DENND6A: variants seen among roughly 807,000 people sequenced by gnomAD.
DENND6A encodes the protein DENN domain containing 6A, also known as protein DENND6A.
DENND6A carries 43 observed loss-of-function variants against 95.5 expected under a neutral mutation model. The ratio of observed to expected loss-of-function variants is 0.45; its 90% CI spans 0.35 to 0.58. DENND6A has a LOEUF of 0.58. Ranked by LOEUF, DENND6A falls within the 20% of genes least tolerant of loss-of-function variation. The pLI, the probability that DENND6A is intolerant of heterozygous loss-of-function variation, is 0.00. For missense variants in DENND6A, 574 were observed against 736.0 expected, an observed-to-expected ratio of 0.78 and a Z score of 2.55; for synonymous variants, 257 against 260.4, an observed-to-expected ratio of 0.99 and a Z score of 0.13.
In DENND6A at chr3:57,628,257, G is replaced by A. The variant is rs1177293015; in HGVS notation, c.1784C>T (p.Pro595Leu). 1.2e-6 allele frequency: 2 copies of A among 1,613,974 alleles called. No homozygotes were observed. The highest frequency in any genetic ancestry group is 1.7e-6 in the Non-Finnish European group (2 of 1,180,000). The change falls in exon 20 of 20, where the codon CCA becomes CTA. Residue 595 changes from proline to leucine, a missense_variant. By Grantham distance (98) the Pro-to-Leu change is moderately conservative. Around this residue, in one of 2 missense-constraint regions of DENND6A, gnomAD observed 452 missense variants for 630.9 expected, o/e 0.72. Transcript: ENST00000311128. ...THIDAIILAL[P>L]EDLQGILLKT... ...GAGCAGTATGCCTTGCAAGTCCTCT[G>A]GCAATGCTAAGATAATGGCATCTAT...
chr3:57,665,950 C>A, intron 4 of DENND6A, 173 bp downstream of exon 4: 2 of 533,310 alleles, frequency 3.8e-6, no homozygotes, highest in South Asian at 2.8e-5. Context: ...GTATAAAGTC[C>A]CTTTCATTCA....
intron 1 of DENND6A, among the ~76,000 whole-genome samples, chr3:57,679,139 T>A (rs2077136212): frequency 6.6e-6 from 1 of 152,242 alleles, no homozygotes; most frequent in Non-Finnish European, 1.5e-5. Flanking sequence ...TGATACCCAG[T>A]CTTTTGGTAT....
chr3:57,661,844 T>C (rs2071428624), intron 5 of DENND6A, among the ~76,000 whole-genome samples: 1 of 152,158 alleles, frequency 6.6e-6, no homozygotes, highest in Non-Finnish European at 1.5e-5. Context: ...GCTCCTGTTA[T>C]CCTTACAATA....
chr3:57,679,542 G>C (rs1185889012), intron 1 of DENND6A: 1 of 985,286 alleles, frequency 1.0e-6, no homozygotes, highest in Non-Finnish European at 1.2e-6. Flanking sequence ...ACTCTTAAGA[G>C]GCAGTGGGGA....
chr3:57,689,629 T>C (rs902228442), intron 1 of DENND6A, among the ~76,000 whole-genome samples: 1 of 152,186 alleles, frequency 6.6e-6, no homozygotes, highest in Non-Finnish European at 1.5e-5. Context: ...CTCCCCCTTC[T>C]ACTCAGGGCT....
chr3:57,644,701 G>GGAAAGACAGAAAGAAA (rs2071030831), intron 11 of DENND6A, among the ~76,000 whole-genome samples: 1 of 69,184 alleles, frequency 1.4e-5, no homozygotes, highest in Non-Finnish European at 2.9e-5. Context: ...GAGGGGAGGG[G>GGAAAGACAGAAAGAAA]AGGGGAGGGG....
intron 19 of DENND6A, 75 bp downstream of exon 19, chr3:57,628,736 G>T: frequency 6.9e-7 from 1 of 1,440,852 alleles, no homozygotes; most frequent in Non-Finnish European, 9.5e-7. Flanking sequence ...AACTATCATG[G>T]GTTGTCAGCT....
chr3:57,693,034 C>T lies in DENND6A; in HGVS notation c.-16G>A, dbSNP rs1244562291. The stretch of plus-strand genomic sequence containing the variant: ...TCAAAGCCATCGGCCGCCCCCTGAC[C>T]GTTCGCGCCGCCTCCACAGCGGACC... On this transcript the variant is annotated 5_prime_UTR_variant, in exon 1 of 20. Transcript: ENST00000311128. The T allele has an allele frequency of 2.9e-6, 4 of 1,393,964 alleles. No individual in the cohort carries two copies. Among genetic ancestry groups the T allele is most frequent in the Non-Finnish European group, 3.7e-6 (4 of 1,083,724 alleles). The allele number at this position is 1,393,964 out of a possible 1,614,324, so 86.3% of individuals were successfully genotyped here.
Position 57,630,986 on chromosome 3 carries a change from C to A in DENND6A, c.1354-8G>T, listed in dbSNP as rs370243248. The A allele has an allele frequency of 1.5e-5, 24 of 1,608,584 alleles. No individual in the cohort carries two copies. The African/African-American group carries it at 2.4e-4, about 16-fold the overall frequency. ...GCTTGCCACATATCTTTCCTAAAAC[C>A]AAGAAAAAAGTTAATAAAAGGAGTG... is the stretch of plus-strand genomic sequence containing the variant. On this transcript the variant is annotated splice_region_variant and splice_polypyrimidine_tract_variant and intron_variant, in intron 15 of 19. Coordinates refer to ENST00000311128, the MANE Select transcript of DENND6A (RefSeq NM_152678.3).
chr3:57,642,867 G>A (rs923284152), intron 11 of DENND6A, among the ~76,000 whole-genome samples: 6 of 152,036 alleles, frequency 3.9e-5, no homozygotes, highest in Non-Finnish European at 7.4e-5. Context: ...TTAGCCAGGT[G>A]TGGTGGCAGG....
At chr3:57,687,526 TAC>T (rs373754273) in intron 1 of DENND6A, among the ~76,000 whole-genome samples, 12 of 152,298 alleles carry the variant, frequency 7.9e-5, no homozygotes, top group African/African-American at 2.6e-4. Flanking sequence ...TGAAGGTGGC[TAC>T]ACTAAATAAC....
At chr3:57,649,801 CCCCCCA>C (rs1305777909) in intron 9 of DENND6A, among the ~76,000 whole-genome samples, 1 of 149,610 alleles carries the variant, frequency 6.7e-6, no homozygotes, top group Admixed American at 6.7e-5. Context: ...GTTGGATTGA[CCCCCCA>C]CCCCCACCCC....
intron 1 of DENND6A, among the ~76,000 whole-genome samples, chr3:57,692,405 T>A (rs1395473358): frequency 1.3e-5 from 2 of 152,138 alleles, no homozygotes; most frequent in Non-Finnish European, 2.9e-5. Context: ...CTAGAGTTCA[T>A]CATCTGTTAT....
intron 11 of DENND6A, 42 bp from the exon 12 acceptor site, chr3:57,641,789 A>C: frequency 6.6e-7 from 1 of 1,510,248 alleles, no homozygotes; most frequent in Non-Finnish European, 9.1e-7. Flanking sequence ...AGGTGAGAAA[A>C]AGATGAATGC....
At chr3:57,692,394 A>C (rs1330260543) in intron 1 of DENND6A, among the ~76,000 whole-genome samples, 2 of 152,186 alleles carry the variant, frequency 1.3e-5, no homozygotes, top group African/African-American at 2.4e-5. Context: ...AAGTTCGGCT[A>C]CTAGAGTTCA....
intron 3 of DENND6A, among the ~76,000 whole-genome samples, chr3:57,672,054 C>T (rs941324592): frequency 1.3e-5 from 2 of 152,064 alleles, no homozygotes; most frequent in African/African-American, 4.8e-5. Context: ...GATGGTTTAC[C>T]TCATCACACC....
intron 3 of DENND6A, among the ~76,000 whole-genome samples, chr3:57,671,056 G>T (rs1383802629): frequency 6.6e-6 from 1 of 152,138 alleles, no homozygotes; most frequent in Non-Finnish European, 1.5e-5. Context: ...CTAAAAGGCA[G>T]TATCTAATTT....
At chr3:57,672,987 T>G (rs576179679) in intron 1 of DENND6A, among the ~76,000 whole-genome samples, 10 of 151,476 alleles carry the variant, frequency 6.6e-5, no homozygotes, top group Non-Finnish European at 1.0e-4. Context: ...TCTCAGCACT[T>G]TGGGAGGCTG....
chr3:57,687,842 A>G (rs1171350816), intron 1 of DENND6A, among the ~76,000 whole-genome samples: 1 of 151,700 alleles, frequency 6.6e-6, no homozygotes, highest in Non-Finnish European at 1.5e-5. Context: ...CTGAGACAGA[A>G]GGATCACCTG....
Sources: allele counts gnomAD v4.1 joint callset (sites outside exome capture counted in the v4.1 genomes callset), GRCh38; gene constraint gnomAD v4.1.1; regional missense constraint gnomAD v4.1.1; transcripts MANE v1.5; gene names NCBI Gene and HGNC (gene_info 2026-07-23, HGNC 2026-07-21).